Variants in NME7 observed in about 807,000 individuals in gnomAD.
The protein encoded by NME7 is NME/NM23 family member 7, also known as nucleoside diphosphate kinase 7.
A neutral mutation model predicts 49.1 loss-of-function variants in NME7; 41 were observed. That is an observed-to-expected ratio of 0.83 (90% CI 0.65 to 1.08). NME7 has a LOEUF of 1.08. NME7 is among the 50% of genes least tolerant of loss of function. The pLI is 0.00. For synonymous variants in NME7, 139 were observed against 150.6 expected, an observed-to-expected ratio of 0.92 and a Z score of 0.56; for missense variants, 423 against 463.4, an observed-to-expected ratio of 0.91 and a Z score of 0.80.
chr1:169,162,783 G>A lies in NME7; in HGVS notation c.1098+6664C>T, dbSNP rs551658470. ...GAGCCCAGGAGGTGAAAGCTGCAGT[G>A]AGCCATGATCACGACATTGCAATCC... On this transcript the variant is annotated intron_variant, in intron 11 of 11. Transcript: ENST00000367811. Among the ~76,000 whole-genome samples the A allele has an allele frequency of 5.3e-5, 8 of 152,270 alleles. No homozygotes were observed. In the East Asian group the frequency reaches 1.2e-3, roughly 22 times the overall value.
intron 1 of NME7, among the ~76,000 whole-genome samples, chr1:169,360,297 A>G (rs576328983): frequency 6.6e-6 from 1 of 152,338 alleles, no homozygotes; most frequent in East Asian, 1.9e-4. Context: ...GTTCAAAGAC[A>G]AAAGAAGCTC....
chr1:169,238,666 T>C (rs1042191031), intron 7 of NME7, among the ~76,000 whole-genome samples: 3 of 151,826 alleles, frequency 2.0e-5, no homozygotes, highest in Admixed American at 1.3e-4. Flanking sequence ...AAGCCAGAGG[T>C]GGATCTGTTT....
At chr1:169,133,405 C>T (rs572069783) in intron 11 of NME7, among the ~76,000 whole-genome samples, 2 of 152,332 alleles carry the variant, frequency 1.3e-5, no homozygotes, top group Admixed American at 6.5e-5. Flanking sequence ...ACATCCTTGA[C>T]GTGGCACTGT....
At chr1:169,304,444 A>G (rs892660207) in intron 4 of NME7, among the ~76,000 whole-genome samples, 4 of 152,226 alleles carry the variant, frequency 2.6e-5, no homozygotes, top group Admixed American at 2.6e-4. Flanking sequence ...ATGAATTTAC[A>G]TAACAAGTTA....
chr1:169,156,684 C>T (rs1659085820), intron 11 of NME7, among the ~76,000 whole-genome samples: 1 of 152,168 alleles, frequency 6.6e-6, no homozygotes, highest in South Asian at 2.1e-4. Context: ...GGAGCTGGCA[C>T]TGTACTTGAG....
chr1:169,340,737 C>T (rs1433971359), intron 1 of NME7, among the ~76,000 whole-genome samples: 1 of 152,212 alleles, frequency 6.6e-6, no homozygotes, highest in Non-Finnish European at 1.5e-5. Context: ...GTGAAGGTCA[C>T]TCATGCTATG....
intron 10 of NME7, among the ~76,000 whole-genome samples, chr1:169,198,684 T>C (rs1001674987): frequency 3.3e-5 from 5 of 152,136 alleles, no homozygotes; most frequent in South Asian, 2.1e-4. Context: ...AGAAAGTAGA[T>C]TAGTGATTGC....
chr1:169,313,425 C>T (rs530715665), intron 3 of NME7, among the ~76,000 whole-genome samples: 2 of 152,058 alleles, frequency 1.3e-5, no homozygotes, highest in Non-Finnish European at 2.9e-5. Flanking sequence ...TCTTGAATGG[C>T]AATACAAGTT....
intron 10 of NME7, among the ~76,000 whole-genome samples, chr1:169,225,536 A>AGGCTTCCTAT (rs1647297670): frequency 6.6e-6 from 1 of 152,230 alleles, no homozygotes; most frequent in Non-Finnish European, 1.5e-5. Flanking sequence ...TTCCTATGGA[A>AGGCTTCCTAT]GGTAATAGGG....
intron 7 of NME7, among the ~76,000 whole-genome samples, chr1:169,244,080 C>G (rs1018841274): frequency 6.6e-6 from 1 of 151,864 alleles, no homozygotes; most frequent in African/African-American, 2.4e-5. Flanking sequence ...TGTGTATATA[C>G]AGCTATGAAA....
At chr1:169,364,554 C>A (rs1236558008) in intron 1 of NME7, among the ~76,000 whole-genome samples, 3 of 152,148 alleles carry the variant, frequency 2.0e-5, no homozygotes, top group African/African-American at 4.8e-5. Flanking sequence ...CTCGACTCAA[C>A]CCTCTTTGAG....
At chr1:169,286,520 A>C (rs1181123120) in intron 7 of NME7, 1 of 152,184 alleles carries the variant, frequency 6.6e-6, no homozygotes, top group Non-Finnish European at 1.5e-5. Context: ...GACAAAAATA[A>C]GAAAAGAACT....
rs144867530 is a variant in NME7 at position 169,341,087 on chromosome 1, G to T, written c.4-16587C>A. Reference sequence around the variant, plus strand: ...ACAATGGGGAAAATGCCTCCAGGCCGTGTCAGAGATCTTCGTGGCAGCCCC... The same window carrying T: ...ACAATGGGGAAAATGCCTCCAGGCCTTGTCAGAGATCTTCGTGGCAGCCCC... On this transcript the variant is annotated intron_variant, in intron 1 of 11. Coordinates refer to ENST00000367811, the MANE Select transcript of NME7 (RefSeq NM_013330.5). 1.8e-3 allele frequency among the ~76,000 whole-genome samples: 269 copies of T among 152,340 alleles called. 1 individual carries two copies. Among genetic ancestry groups the T allele is most frequent in the African/African-American group, 6.0e-3 (250 of 41,584 alleles).
Position 169,184,552 on chromosome 1 carries a change from G to A in NME7, c.991-14998C>T, listed in dbSNP as rs554213084. Among the ~76,000 whole-genome samples the A allele has an allele frequency of 2.6e-5, 4 of 152,104 alleles. No homozygotes were observed. In the East Asian group the frequency reaches 7.7e-4, roughly 29 times the overall value. On this transcript the variant is annotated intron_variant, in intron 10 of 11. Transcript: ENST00000367811. ...AGTATCACTATTACCAAATGTTCAGGCTACATAATATAGGGCTATTTCCAA... is the reference window on the plus strand; with the variant it reads ...AGTATCACTATTACCAAATGTTCAGACTACATAATATAGGGCTATTTCCAA...
At position 169,274,269 on chromosome 1, in the gene NME7, G is replaced by C. The variant is rs554513249; in HGVS notation, c.754+13034C>G. Among the ~76,000 whole-genome samples, 2 of 133,936 alleles carry C rather than the reference G, an allele frequency of 1.5e-5. 1 individual carries two copies. Among genetic ancestry groups the C allele is most frequent in the Non-Finnish European group, 3.5e-5 (2 of 57,046 alleles). The allele number at this position is 133,936 out of a possible 152,430, so 87.9% of individuals were successfully genotyped here. ...TTTGGCTGCATAAATGTCTTCTTTT[G>C]AGAAGTGTCTGTTCATATTCTTTGT... On this transcript the variant is annotated intron_variant, in intron 7 of 11. Transcript: ENST00000367811.
At position 169,269,635 on chromosome 1, in the gene NME7, A is replaced by T. The variant is rs1649427878; in HGVS notation, c.754+17668T>A. On this transcript the variant is annotated intron_variant, in intron 7 of 11. Coordinates refer to ENST00000367811, the MANE Select transcript of NME7 (RefSeq NM_013330.5). Reference sequence around the variant, plus strand: ...AAAGCTACCATTACAGTGGATAGTAAAACTCTGAAAGAGGCTCTGAGTAAG... The same window carrying T: ...AAAGCTACCATTACAGTGGATAGTATAACTCTGAAAGAGGCTCTGAGTAAG... 2.3e-5 allele frequency among the ~76,000 whole-genome samples: 3 copies of T among 133,304 alleles called. 1 individual carries two copies. Among genetic ancestry groups the T allele is most frequent in the Admixed American group, 2.2e-4 (3 of 13,488 alleles). 87.5% of individuals were successfully genotyped at this position (133,304 alleles called of 152,430 possible).
intron 10 of NME7, among the ~76,000 whole-genome samples, chr1:169,211,775 T>C (rs1440051346): frequency 6.6e-6 from 1 of 152,116 alleles, no homozygotes; most frequent in Non-Finnish European, 1.5e-5. Flanking sequence ...AATCCACGCA[T>C]TACAAGAAAA....
chr1:169,311,593 T>C (rs2101922457), intron 3 of NME7, among the ~76,000 whole-genome samples: 1 of 152,294 alleles, frequency 6.6e-6, no homozygotes, highest in South Asian at 2.1e-4. Context: ...TATTACTTTA[T>C]ATTGTCTGGC....
rs59637629 is a variant in NME7, at chr1:169,152,964, A to ATTT, written c.1098+16480_1098+16482dup. On this transcript the variant is annotated intron_variant, in intron 11 of 11. Transcript: ENST00000367811. ...CAAACATCAGTAATCCATCATGGTG[A>ATTT]TTTTTTTTTTCTATTTGGTTGTAGT... 2.0e-5 allele frequency among the ~76,000 whole-genome samples: 3 copies of ATTT among 150,376 alleles called. No homozygotes were observed. In the East Asian group the frequency reaches 5.8e-4, roughly 29 times the overall value.
Sources: allele counts gnomAD v4.1 joint callset (sites outside exome capture counted in the v4.1 genomes callset), GRCh38; gene constraint gnomAD v4.1.1; transcripts MANE v1.5; gene names NCBI Gene and HGNC (gene_info 2026-07-23, HGNC 2026-07-21).